Variants in LVRN observed in about 807,000 individuals in gnomAD.
LVRN encodes aminopeptidase Q.
A neutral mutation model predicts 111.4 loss-of-function variants in LVRN; 99 were observed. That is an observed-to-expected ratio of 0.89 (90% CI 0.76 to 1.05). LVRN has a LOEUF of 1.05. LVRN is among the 50% of genes least tolerant of loss of function. The pLI, the probability that LVRN is intolerant of heterozygous loss-of-function variation, is 0.00. For synonymous variants in LVRN, 488 were observed against 449.5 expected (o/e 1.09, Z -1.08); for missense variants, 1,414 against 1,206.8 (o/e 1.17, Z -2.54).
chr5:116,021,572 G>A, intron 18 of LVRN: 1 of 306,254 alleles, frequency 3.3e-6, no homozygotes. Context: ...TTATGCCAGA[G>A]TTAACTCTTA....
intron 1 of LVRN, among the ~76,000 whole-genome samples, chr5:115,965,817 A>G (rs1468274270): frequency 1.3e-5 from 2 of 152,052 alleles, no homozygotes; most frequent in Non-Finnish European, 2.9e-5. Flanking sequence ...ATCTCCTGCC[A>G]TGACTATAAG....
intron 2 of LVRN, among the ~76,000 whole-genome samples, chr5:115,984,322 G>A (rs1747800077): frequency 6.6e-6 from 1 of 152,116 alleles, no homozygotes; most frequent in Non-Finnish European, 1.5e-5. Flanking sequence ...TAAGTTTATA[G>A]TGCTCGTGGA....
chr5:116,013,892 T>G (rs1436829781), intron 15 of LVRN, among the ~76,000 whole-genome samples: 1 of 152,120 alleles, frequency 6.6e-6, no homozygotes, highest in Non-Finnish European at 1.5e-5. Context: ...ACCAAACACC[T>G]TTATTCTTTT....
chr5:116,026,369 ATTTAC>A lies in LVRN; in HGVS notation c.*256_*260del. ...TCATGTTGGGTTATAATCCCACAGA[ATTTAC>A]TTTAAATGTCACGTAAAAACAAATT... On this transcript the variant is annotated 3_prime_UTR_variant, in exon 20 of 20. Coordinates refer to ENST00000357872, the MANE Select transcript of LVRN (RefSeq NM_173800.5). The A allele has an allele frequency of 4.2e-6, 2 of 476,782 alleles. No individual in the cohort carries two copies. The highest frequency in any genetic ancestry group is 7.5e-6 in the Non-Finnish European group (2 of 266,778). The allele number at this position is 476,782 out of a possible 1,614,324, so 29.5% of individuals were successfully genotyped here.
intron 1 of LVRN, chr5:115,975,240 G>A (rs1753416611): frequency 8.7e-6 from 4 of 462,280 alleles, no homozygotes; most frequent in South Asian, 1.7e-5. Context: ...CACACCCCAT[G>A]TCCAGCATAT....
chr5:116,020,127 C>T (rs1748692539), intron 18 of LVRN: 1 of 152,192 alleles, frequency 6.6e-6, no homozygotes, highest in South Asian at 2.1e-4. Context: ...CTTGGTCTTG[C>T]CCCTCACTCT....
chr5:115,999,662 C>A, intron 6 of LVRN, 100 bp from the exon 7 acceptor site: 1 of 1,293,194 alleles, frequency 7.7e-7, no homozygotes, highest in East Asian at 2.4e-5. Context: ...TGAATTTTCT[C>A]CCTCTTCAAT....
rs924927037 is a variant in LVRN at position 116,001,412 on chromosome 5, C to T, written c.1820+173C>T. Among the ~76,000 whole-genome samples, 12 of 152,088 alleles carry T rather than the reference C, an allele frequency of 7.9e-5. No homozygotes were observed. In the East Asian group the frequency reaches 1.2e-3, roughly 15 times the overall value. On this transcript the variant is annotated intron_variant, in intron 10 of 19. Coordinates refer to ENST00000357872, the MANE Select transcript of LVRN (RefSeq NM_173800.5). ...TTGTGTCCGGGCAACGCCAGAGACC[C>T]GCAGTTAGGGATTCAAGACACAGTG...
At position 115,963,030 on chromosome 5, in the gene LVRN, C is replaced by G. The variant is rs763597724; in HGVS notation, c.413C>G (p.Thr138Arg). The G allele has an allele frequency of 6.2e-7, 1 of 1,613,652 alleles. No individual in the cohort carries two copies. Among genetic ancestry groups the G allele is most frequent in the Non-Finnish European group, 8.5e-7 (1 of 1,179,924 alleles). Residue 138 changes from threonine (T) to arginine (R), a missense_variant, in exon 1 of 20, where the codon ACG becomes AGG. By Grantham distance (71) the Thr-to-Arg change is moderately conservative (BLOSUM62 -1). Coordinates refer to ENST00000357872, the MANE Select transcript of LVRN (RefSeq NM_173800.5). ...CGCGTGAACATCACGGTGCGCTGCA[C>G]GGTGGCCACCTCTCGACTGCTGCTG... ...TGRVNITVRC[T>R]VATSRLLLHS... is the part of the protein sequence containing the mutation.
At chr5:116,005,732 A>G (rs1348232195) in intron 12 of LVRN, 180 bp from the exon 13 acceptor site, 8 of 673,404 alleles carry the variant, frequency 1.2e-5, no homozygotes, top group South Asian at 1.1e-4. Flanking sequence ...TTTCAAAAAC[A>G]TATGTATGAT....
chr5:115,975,691 GA>G, intron 1 of LVRN: 1 of 154,408 alleles, frequency 6.5e-6, no homozygotes. Context: ...GAACAACATT[GA>G]AAGGCATCGT....
chr5:115,985,905 CAT>C (rs1281975155), intron 3 of LVRN, among the ~76,000 whole-genome samples: 4 of 152,254 alleles, frequency 2.6e-5, no homozygotes, highest in African/African-American at 9.6e-5. Flanking sequence ...AGCTCGCTAA[CAT>C]ACTCTCCTGG....
rs1197881198 is a variant in LVRN, at chr5:115,987,276, C to T, written c.979-537C>T. On this transcript the variant is annotated intron_variant, in intron 3 of 19. Transcript: ENST00000357872. Reference sequence around the variant, plus strand: ...CTTTGACAGTTTTAAAATTATGAGACATTTGATGAACTTTTTTAAATTAGG... The same window carrying T: ...CTTTGACAGTTTTAAAATTATGAGATATTTGATGAACTTTTTTAAATTAGG... Among the ~76,000 whole-genome samples, 7 of 152,110 alleles carry T rather than the reference C, an allele frequency of 4.6e-5. No individual in the cohort carries two copies. In the East Asian group the frequency reaches 1.2e-3, roughly 25 times the overall value.
intron 1 of LVRN, among the ~76,000 whole-genome samples, chr5:115,970,156 A>T (rs1324760164): frequency 6.6e-6 from 1 of 152,336 alleles, no homozygotes; most frequent in East Asian, 1.9e-4. Context: ...TGGTGAAACC[A>T]TCACTACAAT....
In LVRN at chr5:116,000,647, C is replaced by T. The variant is rs1472955251; in HGVS notation, c.1636C>T (p.His546Tyr). The change falls in exon 9 of 20, where the codon CAT (histidine) becomes TAT (tyrosine). Residue 546 changes from histidine (H) to tyrosine (Y), a missense_variant. By Grantham distance (83) the His-to-Tyr change is moderately conservative (BLOSUM62 2). Transcript: ENST00000357872. ...SNAEQDDLWR[H>Y]FQMAIDDQST... ...CGCTGAGCAAGATGATCTATGGAGG[C>T]ATTTTCAAATGGTAATTGTCCTACT... The T allele has an allele frequency of 6.2e-7, 1 of 1,613,778 alleles. No individual in the cohort carries two copies. Among genetic ancestry groups the T allele is most frequent in the African/African-American group, 1.3e-5 (1 of 75,044 alleles).
chr5:115,973,833 A>G (rs1753378149), intron 1 of LVRN, among the ~76,000 whole-genome samples: 1 of 152,124 alleles, frequency 6.6e-6, no homozygotes, highest in Non-Finnish European at 1.5e-5. Flanking sequence ...ACCACTTACT[A>G]GTTGTCTAAC....
chr5:116,003,057 G>T (rs1748270217), intron 11 of LVRN, 146 bp downstream of exon 11: 1 of 926,304 alleles, frequency 1.1e-6, no homozygotes, highest in Non-Finnish European at 1.6e-6. Context: ...AAAGAAAAGT[G>T]TCAAATCAAA....
rs756360628 is a variant in LVRN at position 115,987,944 on chromosome 5, G to A, written c.1105+5G>A. ...GTTACTCTCTTCCAAAAACAGGTGA[G>A]GTAATCTTTTCCTTTCAGTGCATTT... On this transcript the variant is annotated splice_donor_5th_base_variant and intron_variant, in intron 4 of 19. Transcript: ENST00000357872. The A allele has an allele frequency of 2.6e-5, 42 of 1,607,156 alleles. No homozygotes were observed. In the Admixed American group the frequency reaches 6.7e-4, roughly 26 times the overall value.
intron 1 of LVRN, among the ~76,000 whole-genome samples, chr5:115,978,220 C>T (rs1364267047): frequency 6.6e-6 from 1 of 152,104 alleles, no homozygotes; most frequent in Non-Finnish European, 1.5e-5. Context: ...AACTTAAGTG[C>T]CAGACACATG....
Sources: allele counts gnomAD v4.1 joint callset (sites outside exome capture counted in the v4.1 genomes callset), GRCh38; gene constraint gnomAD v4.1.1; transcripts MANE v1.5; gene names NCBI Gene and HGNC (gene_info 2026-07-23, HGNC 2026-07-21).